The following SMAD6 variants were observed in gnomAD, a reference collection of about 807,000 sequenced individuals.
The protein encoded by SMAD6 is SMAD family member 6.
Under a neutral mutation model 39.4 loss-of-function variants are expected in SMAD6, and 103 were observed. The observed-to-expected ratio is 2.62, with a 90% CI of 2.23 to 3.08. The LOEUF is 3.08. Ranked by LOEUF, SMAD6 falls within the 30% of genes most tolerant of loss-of-function variation. The pLI is 0.00. For missense variants in SMAD6, 1,104 were observed against 742.9 expected (o/e 1.49, Z -5.65); for synonymous variants, 445 against 353.3 (o/e 1.26, Z -2.91).
intron 3 of SMAD6, among the ~76,000 whole-genome samples, chr15:66,770,324 CCAGCCTGATGTAAGAACCGGCG>C (rs1414045417): frequency 6.6e-6 from 1 of 152,054 alleles, no homozygotes; most frequent in Non-Finnish European, 1.5e-5. Context: ...GAACTCAGGC[CCAGCCTGATGTAAGAACCGGCG>C]CGGCCTGATG....
intron 3 of SMAD6, among the ~76,000 whole-genome samples, chr15:66,724,285 G>GGAATGAAT (rs111450497): frequency 0.11 from 15,880 of 150,554 alleles, 963 homozygotes; most frequent in East Asian, 0.23. Context: ...GAGTCATTGT[G>GGAATGAAT]GAATGAATGA....
intron 3 of SMAD6, among the ~76,000 whole-genome samples, chr15:66,731,943 CTT>C (rs71455528): frequency 4.3e-4 from 57 of 133,196 alleles, no homozygotes; most frequent in African/African-American, 1.1e-3. Context: ...CTCATTGTGA[CTT>C]TTTTTTTTTT....
rs1567092048 is a variant in SMAD6, at chr15:66,704,043, A to AC, written c.789dup (p.Tyr264LeufsTer39). On this transcript the variant is annotated frameshift_variant, in exon 1 of 4. Transcript: ENST00000288840. LOFTEE classifies it high-confidence loss of function. ...GCCGACGGCCCTACCGTGTGCTGCA[A>AC]CCCCTACCACTTCAGCCGGCTCTGC... 6.6e-7 allele frequency: 1 copy of AC among 1,508,704 alleles called. No homozygotes were observed. Among genetic ancestry groups the AC allele is most frequent in the Non-Finnish European group, 8.8e-7 (1 of 1,137,842 alleles). 93.5% of individuals were successfully genotyped at this position (1,508,704 alleles called of 1,614,324 possible).
intron 3 of SMAD6, among the ~76,000 whole-genome samples, chr15:66,754,803 G>A (rs1894068831): frequency 6.6e-6 from 1 of 152,142 alleles, no homozygotes; most frequent in South Asian, 2.1e-4. Flanking sequence ...TCCATTTAAG[G>A]CAACAGTGAA....
chr15:66,729,353 A>C (rs1432422033), intron 3 of SMAD6, among the ~76,000 whole-genome samples: 1 of 152,238 alleles, frequency 6.6e-6, no homozygotes, highest in Non-Finnish European at 1.5e-5. Flanking sequence ...GAGTGAAAGG[A>C]AACTAAACAT....
At position 66,780,995 on chromosome 15, in the gene SMAD6, A is replaced by G. The variant is rs1016515449; in HGVS notation, c.953-2A>G. On this transcript the variant is annotated splice_acceptor_variant, in intron 3 of 3. Transcript: ENST00000288840. LOFTEE classifies it high-confidence loss of function. ...GCGGCGGTCCCTGTGCTTGTCCCGC[A>G]GACGCCAGCATGTCTCCGGACGCCA... 2 of 1,562,158 alleles carry G rather than the reference A, an allele frequency of 1.3e-6. No homozygotes were observed. Among genetic ancestry groups the G allele is most frequent in the Non-Finnish European group, 1.7e-6 (2 of 1,158,674 alleles).
In SMAD6 at chr15:66,702,754, T is replaced by A. The variant is rs1413510819; in HGVS notation, c.-505T>A. ...GGGAGTAAGAAGGGAGCTGGGGGTA[T>A]CAACAAGCCTGCCTTTCGGATCCTG... On this transcript the variant is annotated 5_prime_UTR_variant, in exon 1 of 4. Coordinates refer to ENST00000288840, the MANE Select transcript of SMAD6 (RefSeq NM_005585.5). 1 of 152,804 alleles carries A rather than the reference T, an allele frequency of 6.5e-6. No homozygotes were observed. Among genetic ancestry groups the A allele is most frequent in the East Asian group, 1.9e-4 (1 of 5,182 alleles). 9.5% of individuals were successfully genotyped at this position (152,804 alleles called of 1,614,324 possible).
intron 3 of SMAD6, among the ~76,000 whole-genome samples, chr15:66,773,876 G>C (rs1427133368): frequency 6.6e-6 from 1 of 152,180 alleles, no homozygotes; most frequent in African/African-American, 2.4e-5. Flanking sequence ...GTCTGGGCCT[G>C]TCTGCCCTTG....
At chr15:66,755,205 G>A (rs548718961) in intron 3 of SMAD6, among the ~76,000 whole-genome samples, 6 of 152,288 alleles carry the variant, frequency 3.9e-5, no homozygotes, top group South Asian at 2.1e-4. Flanking sequence ...GGCCCACTAC[G>A]AAGGGCCACT....
chr15:66,704,185 G>C (rs1036038643), intron 1 of SMAD6, 110 bp downstream of exon 1: 1 of 930,938 alleles, frequency 1.1e-6, no homozygotes, highest in South Asian at 2.8e-5. Context: ...GCTCCCCCGG[G>C]TGCCCTTGGA....
intron 3 of SMAD6, among the ~76,000 whole-genome samples, chr15:66,737,867 A>G (rs533326230): frequency 2.0e-5 from 3 of 152,188 alleles, no homozygotes; most frequent in Admixed American, 6.5e-5. Context: ...CTGGATAAAC[A>G]TGGAAGTGAG....
At chr15:66,717,424 T>G in intron 3 of SMAD6, 1 of 456,116 alleles carries the variant, frequency 2.2e-6, no homozygotes, top group South Asian at 1.5e-5. Context: ...ATATGCATTC[T>G]CTTGGGACAG....
rs981335329 is a variant in SMAD6 at position 66,703,438 on chromosome 15, C to G, written c.180C>G (p.Val60=). The G allele has an allele frequency of 3.8e-5, 49 of 1,285,726 alleles. No individual in the cohort carries two copies. Among genetic ancestry groups the G allele is most frequent in the Middle Eastern group, 6.0e-4 (2 of 3,324 alleles). 79.6% of individuals were successfully genotyped at this position (1,285,726 alleles called of 1,614,324 possible). A position where few individuals can be genotyped will look rare whatever the true frequency, so the allele number is the denominator to read the frequency against. The change falls in exon 1 of 4, where the codon GTC becomes GTG. Residue 60 remains valine (V), a synonymous_variant. Coordinates refer to ENST00000288840, the MANE Select transcript of SMAD6 (RefSeq NM_005585.5). ...GCGGAGGCTGCGGCCGCTCCGAAGT[C>G]CGCCCGGTAGCCCCGCGGCGGCCCC... The part of the protein sequence containing the change: ...REGGGCGRSE[V]RPVAPRRPRD...
At chr15:66,741,259 C>A (rs1286366555) in intron 3 of SMAD6, 1 of 152,274 alleles carries the variant, frequency 6.6e-6, no homozygotes, top group Non-Finnish European at 1.5e-5. Flanking sequence ...CATCCCTGGC[C>A]CTCCCCAACC....
chr15:66,721,920 C>G (rs1193872616), intron 3 of SMAD6, among the ~76,000 whole-genome samples: 3 of 152,034 alleles, frequency 2.0e-5, no homozygotes, highest in African/African-American at 7.2e-5. Context: ...CTGGAAGAGG[C>G]GATGTCTTTT....
At chr15:66,778,508 T>C (rs1595803056) in intron 3 of SMAD6, among the ~76,000 whole-genome samples, 1 of 152,094 alleles carries the variant, frequency 6.6e-6, no homozygotes, top group Non-Finnish European at 1.5e-5. Context: ...TGTGAAGAGG[T>C]GCAGCAGTGA....
At chr15:66,720,624 T>C (rs2439401) in intron 3 of SMAD6, among the ~76,000 whole-genome samples, 30,772 of 152,168 alleles carry the variant, frequency 0.2, 3,416 homozygotes, top group African/African-American at 0.3. Flanking sequence ...TTATTAAGCA[T>C]CCTGTCCCTC....
intron 1 of SMAD6, chr15:66,705,642 T>G (rs1893095709): frequency 6.6e-6 from 1 of 152,170 alleles, no homozygotes; most frequent in Non-Finnish European, 1.5e-5. Context: ...GCCACTTCAG[T>G]GTGCAGCAGA....
rs1195986212 is a variant in SMAD6 at position 66,703,784 on chromosome 15, AC to A, written c.527del (p.Thr176SerfsTer5). 1.4e-6 allele frequency: 2 copies of A among 1,439,682 alleles called. No individual in the cohort carries two copies. The highest frequency in any genetic ancestry group is 1.5e-5 in the African/African-American group (1 of 67,698). The allele number at this position is 1,439,682 out of a possible 1,614,324, so 89.2% of individuals were successfully genotyped here. Reference protein sequence around the residue: ...LLLEQELKTVTYSLLKRLKER... With the variant: ...LLLEQELKTVXYSLLKRLKER... ...GCTGGAGCAGGAACTCAAAACCGTC[AC>A]GTACTCGCTGCTGAAGCGGCTCAAG... On this transcript the variant is annotated frameshift_variant, in exon 1 of 4. Coordinates refer to ENST00000288840, the MANE Select transcript of SMAD6 (RefSeq NM_005585.5). LOFTEE classifies it high-confidence loss of function.
Sources: gnomAD v4.1 joint callset for allele counts (sites outside exome capture counted in the v4.1 genomes callset) on GRCh38, gnomAD v4.1.1 for gene constraint, MANE v1.5 for transcripts, NCBI Gene and HGNC (gene_info 2026-07-23, HGNC 2026-07-21) for gene names.